Variants in PLXNA2 observed in about 807,000 individuals in gnomAD.
The protein encoded by PLXNA2 is plexin-A2.
PLXNA2 carries 91 observed loss-of-function variants against 193.5 expected under a neutral mutation model. That is an observed-to-expected ratio of 0.47 (90% CI 0.40 to 0.56). PLXNA2 has a LOEUF of 0.56. Among genes scored for constraint, PLXNA2 ranks in the 20% least tolerant of loss-of-function variants. The pLI, the probability that PLXNA2 is intolerant of heterozygous loss-of-function variation, is 0.00. For missense variants in PLXNA2, 1,995 were observed against 2,503.2 expected, an observed-to-expected ratio of 0.80 and a Z score of 4.33; for synonymous variants, 997 against 1,027.3, an observed-to-expected ratio of 0.97 and a Z score of 0.56.
chr1:208,065,638 A>G (rs975159007), intron 12 of PLXNA2, among the ~76,000 whole-genome samples: 5 of 152,330 alleles, frequency 3.3e-5, no homozygotes, highest in African/African-American at 1.2e-4. Context: ...AGGGCAGCAC[A>G]TGGATGAGGG....
intron 4 of PLXNA2, among the ~76,000 whole-genome samples, chr1:208,137,336 CCT>C (rs1571956891): frequency 6.6e-6 from 1 of 152,206 alleles, no homozygotes; most frequent in East Asian, 1.9e-4. Flanking sequence ...TGCTTCCATC[CCT>C]ATACTCTTTT....
chr1:208,125,516 G>C (rs1385899523), intron 4 of PLXNA2, among the ~76,000 whole-genome samples: 1 of 152,164 alleles, frequency 6.6e-6, no homozygotes, highest in African/African-American at 2.4e-5. Flanking sequence ...AGAAAAGCAA[G>C]GTGATGAGAA....
intron 1 of PLXNA2, 78 bp from the exon 2 acceptor site, chr1:208,218,080 C>CA: frequency 1.5e-6 from 2 of 1,319,016 alleles, no homozygotes; most frequent in South Asian, 1.3e-5. Context: ...ACCCAGGGTC[C>CA]CCATCCTGGT....
chr1:208,031,300 GC>G, intron 29 of PLXNA2: 1 of 1,246,732 alleles, frequency 8.0e-7, no homozygotes, highest in Non-Finnish European at 1.0e-6. Flanking sequence ...AGATCTCAGA[GC>G]CAGGGGAGGA....
At chr1:208,237,210 C>A (rs1453653127) in intron 1 of PLXNA2, among the ~76,000 whole-genome samples, 1 of 152,232 alleles carries the variant, frequency 6.6e-6, no homozygotes, top group East Asian at 1.9e-4. Flanking sequence ...TTGGCTCCTT[C>A]TCCAGGTAGC....
rs1344700545 is a variant in PLXNA2 at position 208,210,052 on chromosome 1, A to T, written c.1371+228T>A. The T allele has an allele frequency of 1.2e-5, 3 of 242,452 alleles. No homozygotes were observed. In the Admixed American group the frequency reaches 2.0e-4, roughly 16 times the overall value. The allele number at this position is 242,452 out of a possible 1,614,324, so 15.0% of individuals were successfully genotyped here. On this transcript the variant is annotated intron_variant, in intron 3 of 31. Coordinates refer to ENST00000367033, the MANE Select transcript of PLXNA2 (RefSeq NM_025179.4). Reference sequence around the variant, plus strand: ...AAAGTTTTTTCTTAAAGTTTGGGAAATATTGAAATACGCTTGCATTCCTTA... The same window carrying T: ...AAAGTTTTTTCTTAAAGTTTGGGAATTATTGAAATACGCTTGCATTCCTTA...
chr1:208,039,694 G>T lies in PLXNA2; in HGVS notation c.4427C>A (p.Ala1476Asp). 6.2e-7 allele frequency: 1 copy of T among 1,614,200 alleles called. No homozygotes were observed. The change falls in exon 24 of 32, where the codon GCC (alanine) becomes GAC (aspartate). Residue 1476 changes from alanine to aspartate, a missense_variant. Coordinates refer to ENST00000367033, the MANE Select transcript of PLXNA2 (RefSeq NM_025179.4). ...KQQMEKGPID[A>D]ITGEARYSLS... ...GGAGTAGCGGGCCTCGCCCGTGATG[G>T]CATCAATGGGGCCCTTCTCCATCTG... is the stretch of plus-strand genomic sequence containing the variant.
At chr1:208,135,384 C>T (rs556864165) in intron 4 of PLXNA2, among the ~76,000 whole-genome samples, 4 of 152,312 alleles carry the variant, frequency 2.6e-5, no homozygotes, top group Non-Finnish European at 4.4e-5. Flanking sequence ...GAGGCCTGCT[C>T]CTGTGCAAGA....
chr1:208,196,562 G>A (rs144617113), intron 3 of PLXNA2, among the ~76,000 whole-genome samples: 53 of 152,318 alleles, frequency 3.5e-4, no homozygotes, highest in African/African-American at 1.2e-3. Context: ...TCATGGAGGT[G>A]CTGAACACCT....
chr1:208,115,240 T>C (rs1448952484), intron 4 of PLXNA2, among the ~76,000 whole-genome samples: 4 of 152,202 alleles, frequency 2.6e-5, no homozygotes, highest in African/African-American at 9.7e-5. Flanking sequence ...ATATATTTGA[T>C]TTATCACCAA....
chr1:208,074,124 T>C (rs529606117), intron 12 of PLXNA2, among the ~76,000 whole-genome samples: 1 of 152,370 alleles, frequency 6.6e-6, no homozygotes, highest in South Asian at 2.1e-4. Flanking sequence ...TTTATCTTCC[T>C]GAGAAAATAT....
intron 3 of PLXNA2, among the ~76,000 whole-genome samples, chr1:208,202,755 A>T (rs976902737): frequency 1.3e-5 from 2 of 152,164 alleles, no homozygotes; most frequent in Admixed American, 1.3e-4. Flanking sequence ...TTGAATCATT[A>T]CGCCCATCCC....
chr1:208,190,701 CA>C (rs2102563646), intron 3 of PLXNA2, among the ~76,000 whole-genome samples: 1 of 152,254 alleles, frequency 6.6e-6, no homozygotes, highest in Middle Eastern at 3.4e-3. Flanking sequence ...CAGATACTGC[CA>C]AATGTCTGCA....
intron 10 of PLXNA2, among the ~76,000 whole-genome samples, chr1:208,083,239 G>A (rs1186743881): frequency 2.6e-5 from 4 of 152,246 alleles, no homozygotes; most frequent in South Asian, 2.1e-4. Context: ...CAGCCCTATC[G>A]TTAAAGTCCT....
chr1:208,096,567 A>T (rs1200888666), intron 7 of PLXNA2, among the ~76,000 whole-genome samples, 163 bp downstream of exon 7: 1 of 152,162 alleles, frequency 6.6e-6, no homozygotes, highest in African/African-American at 2.4e-5. Context: ...CTTTCCTGAA[A>T]TTCACTTTGG....
At position 208,045,163 on chromosome 1, in the gene PLXNA2, G is replaced by A. The variant is rs749017165; in HGVS notation, c.3543C>T (p.Tyr1181=). ...AAGGGGTCTCTCCGATGAGCACAGT[G>A]TAGTTGAGTTTGGCCCCTCCAGAGG... ...PPASGGAKLN[Y]TVLIGETPCA... is the part of the protein sequence containing the mutation. Residue 1181 remains tyrosine, a synonymous_variant, in exon 19 of 32, where the codon TAC becomes TAT. Coordinates refer to ENST00000367033, the MANE Select transcript of PLXNA2 (RefSeq NM_025179.4). 3.1e-6 allele frequency: 5 copies of A among 1,614,070 alleles called. No individual in the cohort carries two copies. The highest frequency in any genetic ancestry group is 2.7e-5 in the African/African-American group (2 of 74,928).
intron 3 of PLXNA2, among the ~76,000 whole-genome samples, chr1:208,172,212 C>T (rs1419388772): frequency 6.6e-6 from 1 of 151,644 alleles, no homozygotes; most frequent in African/African-American, 2.4e-5. Flanking sequence ...GTTTGCAGAC[C>T]TATGTGAAAA....
intron 5 of PLXNA2, among the ~76,000 whole-genome samples, chr1:208,100,959 G>A (rs1667076252): frequency 6.6e-6 from 1 of 152,202 alleles, no homozygotes; most frequent in Non-Finnish European, 1.5e-5. Flanking sequence ...CAATCAAGCA[G>A]TGATTCGCAC....
intron 28 of PLXNA2, 85 bp downstream of exon 28, chr1:208,033,234 A>G (rs1664561328): frequency 2.3e-6 from 3 of 1,284,960 alleles, no homozygotes. Context: ...TGAAGGACAC[A>G]CTCCAGACAT....
Sources: gnomAD v4.1 joint callset for allele counts (sites outside exome capture counted in the v4.1 genomes callset) on GRCh38, gnomAD v4.1.1 for gene constraint, MANE v1.5 for transcripts, NCBI Gene and HGNC (gene_info 2026-07-23, HGNC 2026-07-21) for gene names.